Variants in ADARB1 observed in about 807,000 individuals in gnomAD.
ADARB1 encodes the protein adenosine deaminase RNA specific B1, also known as double-stranded RNA-specific editase 1.
In ADARB1, 10 loss-of-function variants were observed where a neutral mutation model predicts 52.4. The observed-to-expected ratio is 0.19, with a 90% CI of 0.12 to 0.32. ADARB1 has a LOEUF of 0.32. Among genes scored for constraint, ADARB1 ranks in the 10% least tolerant of loss-of-function variants. The probability of loss-of-function intolerance (pLI) is 1.00; values close to 1 mark genes in which losing one functional copy is unlikely to be tolerated. For synonymous variants in ADARB1, 349 were observed against 371.1 expected (o/e 0.94, Z 0.68); for missense variants, 643 against 922.3 (o/e 0.70, Z 3.92).
chr21:45,124,012 G>A (rs567046193), intron 1 of ADARB1, among the ~76,000 whole-genome samples: 1 of 152,250 alleles, frequency 6.6e-6, no homozygotes, highest in East Asian at 1.9e-4. Context: ...TTATCCAAGG[G>A]GAGTCATCAG....
intron 9 of ADARB1, among the ~76,000 whole-genome samples, chr21:45,213,600 A>G (rs1450270383): frequency 6.6e-6 from 1 of 152,178 alleles, no homozygotes; most frequent in African/African-American, 2.4e-5. Flanking sequence ...ATCTGTCTAT[A>G]TAGATGAGTT....
chr21:45,212,066 TA>T (rs2092779894), intron 9 of ADARB1, among the ~76,000 whole-genome samples: 1 of 152,196 alleles, frequency 6.6e-6, no homozygotes, highest in African/African-American at 2.4e-5. Flanking sequence ...TATTTTTTGT[TA>T]ATCATTTAGT....
At chr21:45,155,969 A>C (rs1045091723) in intron 2 of ADARB1, among the ~76,000 whole-genome samples, 4 of 2,662 alleles carry the variant, frequency 1.5e-3, no homozygotes, top group African/African-American at 2.9e-3. Context: ...CCATCCACCC[A>C]CCCACCCACC....
chr21:45,168,758 G>A (rs776764179), intron 2 of ADARB1, among the ~76,000 whole-genome samples: 1 of 151,888 alleles, frequency 6.6e-6, no homozygotes, highest in Non-Finnish European at 1.5e-5. Context: ...TTTTTTTATG[G>A]TGGTTACATT....
intron 9 of ADARB1, among the ~76,000 whole-genome samples, chr21:45,219,144 G>A (rs2092918951): frequency 6.6e-6 from 1 of 152,142 alleles, no homozygotes; most frequent in African/African-American, 2.4e-5. Flanking sequence ...AATGTTTAAA[G>A]ATATAAACAT....
chr21:45,104,004 C>T (rs1039390882), intron 1 of ADARB1, among the ~76,000 whole-genome samples: 2 of 152,240 alleles, frequency 1.3e-5, no homozygotes, highest in East Asian at 3.9e-4. Flanking sequence ...GCACACTTAT[C>T]GAACCAGGCC....
At chr21:45,092,912 T>G (rs1300574228) in intron 1 of ADARB1, among the ~76,000 whole-genome samples, 1 of 151,942 alleles carries the variant, frequency 6.6e-6, no homozygotes. Context: ...TTTTTTTTCT[T>G]GATGGAGCCC....
At chr21:45,085,910 C>G (rs1489344521) in intron 1 of ADARB1, among the ~76,000 whole-genome samples, 2 of 152,220 alleles carry the variant, frequency 1.3e-5, no homozygotes, top group Admixed American at 6.5e-5. Context: ...ACCTTGAATT[C>G]TCCATGCACG....
intron 9 of ADARB1, among the ~76,000 whole-genome samples, chr21:45,218,004 A>G (rs985965761): frequency 1.3e-5 from 2 of 151,984 alleles, no homozygotes; most frequent in South Asian, 2.1e-4. Context: ...GTGTTGAACA[A>G]TTTGTTCTGT....
chr21:45,107,090 T>C (rs1273537800), intron 1 of ADARB1, among the ~76,000 whole-genome samples: 2 of 152,138 alleles, frequency 1.3e-5, no homozygotes, highest in African/African-American at 4.8e-5. Flanking sequence ...TATACAAAAA[T>C]AATCAGAAGA....
intron 8 of ADARB1, among the ~76,000 whole-genome samples, chr21:45,195,407 A>G (rs2092402309): frequency 6.6e-6 from 1 of 152,126 alleles, no homozygotes; most frequent in African/African-American, 2.4e-5. Flanking sequence ...TTTTAATTTT[A>G]ATAAAGTCTA....
chr21:45,076,469 C>G (rs960903470), intron 1 of ADARB1, among the ~76,000 whole-genome samples: 3 of 152,158 alleles, frequency 2.0e-5, no homozygotes, highest in Non-Finnish European at 4.4e-5. Flanking sequence ...GTATATCCCA[C>G]TACATCTACA....
chr21:45,161,311 A>G (rs773954490), intron 2 of ADARB1, among the ~76,000 whole-genome samples: 27 of 152,172 alleles, frequency 1.8e-4, no homozygotes, highest in Non-Finnish European at 3.5e-4. Context: ...GCATCCCTGC[A>G]CTCACCAGGG....
intron 1 of ADARB1, among the ~76,000 whole-genome samples, chr21:45,114,752 T>C (rs1414033566): frequency 6.6e-6 from 1 of 152,230 alleles, no homozygotes; most frequent in Non-Finnish European, 1.5e-5. Context: ...CTGAGTTCTT[T>C]TTCTGCATTA....
rs567156468 is a variant in ADARB1 at position 45,157,606 on chromosome 21, A to G, written c.-47-14004A>G. On this transcript the variant is annotated intron_variant, in intron 2 of 10. Coordinates refer to ENST00000348831, the MANE Select transcript of ADARB1 (RefSeq NM_001112.4). The surrounding 1 kb of genome is among the most constrained non-coding windows in gnomAD (Gnocchi z 4.1). ...TTCATGTGGCTTTCTAAAGCTTGCC[A>G]TTGCTTAGGCATGCCTGACTGAGGC... Among the ~76,000 whole-genome samples the G allele has an allele frequency of 1.4e-3, 207 of 152,274 alleles. 1 individual carries two copies. Among genetic ancestry groups the G allele is most frequent in the African/African-American group, 4.7e-3 (195 of 41,552 alleles).
At chr21:45,151,184 C>A (rs1436465207) in intron 2 of ADARB1, among the ~76,000 whole-genome samples, 1 of 152,188 alleles carries the variant, frequency 6.6e-6, no homozygotes, top group Non-Finnish European at 1.5e-5. Flanking sequence ...TACAAAGTGT[C>A]AGGGGTGGCT....
intron 2 of ADARB1, among the ~76,000 whole-genome samples, chr21:45,169,295 C>T (rs931324565): frequency 3.3e-5 from 5 of 152,150 alleles, no homozygotes; most frequent in Non-Finnish European, 7.4e-5. Flanking sequence ...CAGCCTGGCA[C>T]GGGTGGGGCG....
intron 3 of ADARB1, among the ~76,000 whole-genome samples, chr21:45,174,815 A>G (rs1244522497): frequency 6.6e-6 from 1 of 152,226 alleles, no homozygotes; most frequent in East Asian, 1.9e-4. Flanking sequence ...GTATTAATTC[A>G]AAATCTGAAA....
At chr21:45,079,904 A>T (rs1030252329) in intron 1 of ADARB1, among the ~76,000 whole-genome samples, 67 of 152,112 alleles carry the variant, frequency 4.4e-4, no homozygotes, top group Non-Finnish European at 7.4e-5. Context: ...GGAGCAGGAG[A>T]TGAGGAATGG....
Sources: gnomAD v4.1 joint callset for allele counts (sites outside exome capture counted in the v4.1 genomes callset) on GRCh38, gnomAD v4.1.1 for gene constraint, Gnocchi (gnomAD v3.1) non-coding constraint, MANE v1.5 for transcripts, NCBI Gene and HGNC (gene_info 2026-07-23, HGNC 2026-07-21) for gene names.